Variants in SLC37A1 observed in about 807,000 individuals in gnomAD.
SLC37A1 encodes glucose-6-phosphate exchanger SLC37A1.
In SLC37A1, 49 loss-of-function variants were observed where a neutral mutation model predicts 75.3. The observed-to-expected ratio is 0.65, with a 90% CI of 0.52 to 0.83. The LOEUF is 0.83. Among genes scored for constraint, SLC37A1 ranks in the 40% least tolerant of loss-of-function variants. The probability of loss-of-function intolerance (pLI) is 0.00; values close to 1 mark genes in which losing one functional copy is unlikely to be tolerated. For synonymous variants in SLC37A1, 268 were observed against 292.1 expected, an observed-to-expected ratio of 0.92 and a Z score of 0.84; for missense variants, 566 against 695.0, an observed-to-expected ratio of 0.81 and a Z score of 2.09.
At chr21:42,500,265 A>G (rs1601643386) in intron 1 of SLC37A1, among the ~76,000 whole-genome samples, 2 of 152,370 alleles carry the variant, frequency 1.3e-5, no homozygotes, top group East Asian at 3.9e-4. Flanking sequence ...ATAAACAAAC[A>G]TATTAGAGTA....
intron 2 of SLC37A1, among the ~76,000 whole-genome samples, chr21:42,523,968 C>G (rs2054716363): frequency 6.6e-6 from 1 of 151,810 alleles, no homozygotes; most frequent in Non-Finnish European, 1.5e-5. Flanking sequence ...GAGAAGAAGG[C>G]AGCTCTGGGA....
intron 2 of SLC37A1, among the ~76,000 whole-genome samples, chr21:42,519,104 A>G: frequency 6.6e-6 from 1 of 152,184 alleles, no homozygotes; most frequent in East Asian, 1.9e-4. Context: ...TGGGAGAGGA[A>G]AAACTTTGCT....
intron 3 of SLC37A1, among the ~76,000 whole-genome samples, chr21:42,532,342 T>C (rs2055007453): frequency 6.6e-6 from 1 of 152,212 alleles, no homozygotes; most frequent in Admixed American, 6.5e-5. Context: ...GCCTGCAGAA[T>C]CTCTTTTTCC....
chr21:42,572,046 C>G (rs2056186260), intron 17 of SLC37A1, among the ~76,000 whole-genome samples: 2 of 152,188 alleles, frequency 1.3e-5, no homozygotes, highest in Admixed American at 1.3e-4. Flanking sequence ...CTAGCAGCTT[C>G]CTGAGTTAGG....
intron 18 of SLC37A1, among the ~76,000 whole-genome samples, chr21:42,576,587 TAA>T (rs1214432743): frequency 1.3e-5 from 2 of 151,848 alleles, no homozygotes; most frequent in East Asian, 1.9e-4. Context: ...AAACTGCAGA[TAA>T]AAGAGTTATG....
At chr21:42,534,006 G>T (rs2055065637) in intron 3 of SLC37A1, among the ~76,000 whole-genome samples, 1 of 152,198 alleles carries the variant, frequency 6.6e-6, no homozygotes, top group Admixed American at 6.5e-5. Context: ...CAAATCTTCA[G>T]TGTACAGTTT....
chr21:42,522,916 G>T (rs565205974), intron 2 of SLC37A1, among the ~76,000 whole-genome samples: 1 of 152,234 alleles, frequency 6.6e-6, no homozygotes, highest in South Asian at 2.1e-4. Context: ...GCACCAGCCG[G>T]GAGTCACCCC....
At chr21:42,568,530 G>A (rs1601767342) in intron 17 of SLC37A1, 92 bp downstream of exon 17, 1 of 1,260,292 alleles carries the variant, frequency 7.9e-7, no homozygotes. Context: ...GGTTCCAACT[G>A]CATCTATAAC....
At chr21:42,506,600 C>T (rs1601647858) in intron 2 of SLC37A1, among the ~76,000 whole-genome samples, 1 of 152,178 alleles carries the variant, frequency 6.6e-6, no homozygotes, top group East Asian at 1.9e-4. Context: ...GTTAAAAAAT[C>T]TCTGCTTTCA....
chr21:42,519,590 A>G (rs4920116), intron 2 of SLC37A1, among the ~76,000 whole-genome samples: 105,667 of 152,104 alleles, frequency 0.69, 37,593 homozygotes, highest in Admixed American at 0.76. Flanking sequence ...CCACAGCGGC[A>G]GATTCTGGGC....
intron 3 of SLC37A1, among the ~76,000 whole-genome samples, chr21:42,530,654 A>ACACACC (rs1161313598): frequency 0.014 from 493 of 35,868 alleles, 32 homozygotes; most frequent in Middle Eastern, 0.029. Context: ...ACACACACAC[A>ACACACC]CCCCCTCTGT....
intron 6 of SLC37A1, among the ~76,000 whole-genome samples, chr21:42,540,372 G>A (rs1257435925): frequency 6.6e-6 from 1 of 152,172 alleles, no homozygotes; most frequent in Non-Finnish European, 1.5e-5. Context: ...ACCAACTTGG[G>A]TCCAAGCCTA....
In SLC37A1 at chr21:42,575,734, C is replaced by G. The variant is rs961063676; in HGVS notation, c.1521+819C>G. 9.1e-6 allele frequency: 9 copies of G among 985,296 alleles called. No individual in the cohort carries two copies. In the African/African-American group the frequency reaches 1.6e-4, roughly 17 times the overall value. The allele number at this position is 985,296 out of a possible 1,614,324, so 61.0% of individuals were successfully genotyped here. A position where few individuals can be genotyped will look rare whatever the true frequency, so the allele number is the denominator to read the frequency against. On this transcript the variant is annotated intron_variant, in intron 18 of 19. Coordinates refer to ENST00000352133, the MANE Select transcript of SLC37A1 (RefSeq NM_001320537.2). ...AGAATTTCAGAAATATCAACTCACT[C>G]AATTAAATGAAAGTCTTATATTTTA...
Position 42,568,392 on chromosome 21 carries a change from C to T in SLC37A1, c.1377C>T (p.His459=), listed in dbSNP as rs758804989. ...ATAAAAGTCTGAAAGGCAACGCGCA[C>T]GCCCTCTCCACCGTGACGGCCATCA... ...GTHKSLKGNA[H]ALSTVTAIID... Residue 459 remains histidine, a synonymous_variant, in exon 17 of 20, where the codon CAC becomes CAT. Transcript: ENST00000352133. The T allele has an allele frequency of 3.0e-5, 48 of 1,614,008 alleles. No homozygotes were observed. The East Asian group carries it at 5.8e-4, about 19-fold the overall frequency.
rs148656286 is a variant in SLC37A1 at position 42,558,666 on chromosome 21, G to A, written c.850-292G>A. ...TTTTCTATTTTTTCTCAATGATGAT[G>A]TGACATCCATTTTACTTTATAAGTA... On this transcript the variant is annotated intron_variant, in intron 10 of 19. Coordinates refer to ENST00000352133, the MANE Select transcript of SLC37A1 (RefSeq NM_001320537.2). Among the ~76,000 whole-genome samples, 220 of 152,248 alleles carry A rather than the reference G, an allele frequency of 1.4e-3. 3 individuals are homozygous for A. In the East Asian group the frequency reaches 0.026, roughly 18 times the overall value.
intron 18 of SLC37A1, chr21:42,575,213 G>A (rs1437305917): frequency 1.0e-6 from 1 of 984,232 alleles, no homozygotes. Context: ...ACTTGGGCAG[G>A]TTTCGTAACC....
chr21:42,561,667 C>G (rs1010311296), intron 11 of SLC37A1: 1 of 174,840 alleles, frequency 5.7e-6, no homozygotes, highest in Non-Finnish European at 1.2e-5. Context: ...TGCATTGACT[C>G]GACTCTGATG....
intron 17 of SLC37A1, among the ~76,000 whole-genome samples, chr21:42,569,224 T>C (rs2056059628): frequency 6.6e-6 from 1 of 152,126 alleles, no homozygotes; most frequent in Non-Finnish European, 1.5e-5. Context: ...TAGACCCAGG[T>C]CAGCCAGAAC....
chr21:42,512,297 A>G (rs2054443592), upstream of SLC37A1, among the ~76,000 whole-genome samples: 1 of 151,950 alleles, frequency 6.6e-6, no homozygotes, highest in Admixed American at 6.5e-5. Context: ...AGCTTGTATT[A>G]TCGCCTTTCA....
Sources: gnomAD v4.1 joint callset for allele counts (sites outside exome capture counted in the v4.1 genomes callset) on GRCh38, gnomAD v4.1.1 for gene constraint, MANE v1.5 for transcripts, NCBI Gene and HGNC (gene_info 2026-07-23, HGNC 2026-07-21) for gene names.